The following ITGAE variants were observed in gnomAD, a reference collection of about 807,000 sequenced individuals.
ITGAE encodes integrin alpha-E.
In ITGAE, 99 loss-of-function variants were observed where a neutral mutation model predicts 136.5. That is an observed-to-expected ratio of 0.73 (90% CI 0.62 to 0.86). ITGAE has a LOEUF of 0.86. ITGAE is among the 40% of genes least tolerant of loss of function. ITGAE has a pLI of 0.00. For synonymous variants in ITGAE, 613 were observed against 591.8 expected, an observed-to-expected ratio of 1.04 and a Z score of -0.52; for missense variants, 1,447 against 1,515.3, an observed-to-expected ratio of 0.95 and a Z score of 0.75.
Position 3,739,886 on chromosome 17 carries a change from C to T in ITGAE, c.2449-8G>A. 3 of 1,612,814 alleles carry T rather than the reference C, an allele frequency of 1.9e-6. No individual in the cohort carries two copies. The highest frequency in any genetic ancestry group is 2.5e-6 in the Non-Finnish European group (3 of 1,178,760). ...GGCCTTCTCATAGGGCAGCTGTAAC[C>T]AGACAGAGAGTCCCGATCAGCCCAG... On this transcript the variant is annotated splice_polypyrimidine_tract_variant and splice_region_variant and intron_variant, in intron 19 of 30. Coordinates refer to ENST00000263087, the MANE Select transcript of ITGAE (RefSeq NM_002208.5).
intron 2 of ITGAE, among the ~76,000 whole-genome samples, chr17:3,767,246 G>A (rs1016706853): frequency 3.3e-5 from 5 of 152,126 alleles, no homozygotes; most frequent in Admixed American, 1.3e-4. Context: ...ACAGGCGCCC[G>A]CCACCATGAC....
chr17:3,764,803 C>A (rs1330238640), intron 2 of ITGAE, among the ~76,000 whole-genome samples: 3 of 152,206 alleles, frequency 2.0e-5, no homozygotes, highest in East Asian at 3.9e-4. Context: ...TTCTTGCCCC[C>A]ACCCAGGCCC....
intron 2 of ITGAE, among the ~76,000 whole-genome samples, chr17:3,769,327 T>C (rs2052366542): frequency 6.6e-6 from 1 of 152,042 alleles, no homozygotes; most frequent in Non-Finnish European, 1.5e-5. Flanking sequence ...GCCCTGACTA[T>C]AGCACCCCAC....
intron 1 of ITGAE, among the ~76,000 whole-genome samples, chr17:3,789,773 T>C (rs2052895053): frequency 6.6e-6 from 1 of 152,168 alleles, no homozygotes; most frequent in Non-Finnish European, 1.5e-5. Context: ...AATGCTGGGA[T>C]TTCAGGCGTG....
chr17:3,755,348 T>A, intron 11 of ITGAE, 87 bp from the exon 12 acceptor site: 2 of 1,414,868 alleles, frequency 1.4e-6, no homozygotes, highest in Non-Finnish European at 9.3e-7. Flanking sequence ...CCAGCGCGGC[T>A]AACCTGGCTG....
At chr17:3,739,243 C>T (rs1334117619) in intron 20 of ITGAE, among the ~76,000 whole-genome samples, 1 of 152,202 alleles carries the variant, frequency 6.6e-6, no homozygotes, top group Non-Finnish European at 1.5e-5. Context: ...ACCCAACACT[C>T]CTTCCCACCT....
At chr17:3,734,094 A>G (rs1432520548) in intron 21 of ITGAE, among the ~76,000 whole-genome samples, 2 of 152,192 alleles carry the variant, frequency 1.3e-5, no homozygotes, top group Non-Finnish European at 2.9e-5. Flanking sequence ...CTTTTGAGAC[A>G]GACTCTTGCT....
chr17:3,749,265 T>C (rs1053099941), intron 16 of ITGAE, among the ~76,000 whole-genome samples: 2 of 151,978 alleles, frequency 1.3e-5, no homozygotes, highest in African/African-American at 2.4e-5. Flanking sequence ...TTTCTTTTTT[T>C]TTTTTTGGAG....
intron 26 of ITGAE, chr17:3,724,314 A>T: frequency 6.3e-7 from 1 of 1,588,118 alleles, no homozygotes. Context: ...GCAGAAGTGC[A>T]GCACACCCTG....
chr17:3,758,508 A>AT (rs1433568873), intron 8 of ITGAE, among the ~76,000 whole-genome samples: 2 of 152,018 alleles, frequency 1.3e-5, no homozygotes, highest in African/African-American at 4.8e-5. Flanking sequence ...CTGGAGTGCA[A>AT]TAGCACGATC....
chr17:3,754,053 CTT>C, intron 12 of ITGAE, 128 bp from the exon 13 acceptor site: 1 of 1,028,212 alleles, frequency 9.7e-7, no homozygotes, highest in African/African-American at 1.6e-5. Context: ...GAGAGACTGT[CTT>C]TCTCACTATG....
intron 26 of ITGAE, chr17:3,724,954 G>T: frequency 6.2e-7 from 1 of 1,613,844 alleles, no homozygotes; most frequent in Non-Finnish European, 8.5e-7. Context: ...AGCCGGAAGA[G>T]CAAACATCAG....
chr17:3,748,064 AG>A lies in ITGAE; in HGVS notation c.2025-13del. 6.2e-7 allele frequency: 1 copy of A among 1,605,138 alleles called. No homozygotes were observed. Among genetic ancestry groups the A allele is most frequent in the Non-Finnish European group, 8.5e-7 (1 of 1,174,682 alleles). On this transcript the variant is annotated splice_polypyrimidine_tract_variant and intron_variant, in intron 16 of 30. Transcript: ENST00000263087. ...CCACAGGCCGGGAGCTAAACAAGAC[AG>A]CAAAGAGGATGGGAGAAGTGACTGC...
intron 12 of ITGAE, 71 bp downstream of exon 12, chr17:3,755,046 C>T (rs1017219934): frequency 3.1e-4 from 329 of 1,073,532 alleles, no homozygotes; most frequent in Middle Eastern, 3.5e-4. Flanking sequence ...AGGCCCCACC[C>T]TCGCCCAGGG....
intron 2 of ITGAE, among the ~76,000 whole-genome samples, chr17:3,770,159 G>A (rs1456817591): frequency 6.6e-5 from 9 of 135,632 alleles, no homozygotes; most frequent in East Asian, 4.4e-4. Flanking sequence ...TCACTCTGTC[G>A]CCCAGGCTGG....
chr17:3,723,521 C>T, intron 27 of ITGAE, 138 bp from the exon 28 acceptor site: 1 of 1,003,242 alleles, frequency 1.0e-6, no homozygotes, highest in Non-Finnish European at 1.5e-6. Flanking sequence ...TCGGCCCAAG[C>T]GAAGCTCCAG....
In ITGAE at chr17:3,753,290, C is replaced by T; in HGVS notation, c.1668G>A (p.Gln556=). 6.2e-7 allele frequency: 1 copy of T among 1,613,582 alleles called. No homozygotes were observed. Among genetic ancestry groups the T allele is most frequent in the Non-Finnish European group, 8.5e-7 (1 of 1,179,632 alleles). The change falls in exon 14 of 31, where the codon CAG becomes CAA. Residue 556 remains glutamine, a splice_region_variant and synonymous_variant. Transcript: ENST00000263087. Reference sequence around the variant, plus strand: ...CTCATGAAGATGGAGACTCTCCCACCTGCTCGCTGAGACGGTACACGTAGA... The same window carrying T: ...CTCATGAAGATGGAGACTCTCCCACTTGCTCGCTGAGACGGTACACGTAGA... ...GRVYVYRLSE[Q]DGSFSLARIL...
At chr17:3,725,455 C>T (rs570363584) in intron 26 of ITGAE, 4 of 1,614,044 alleles carry the variant, frequency 2.5e-6, no homozygotes, top group Non-Finnish European at 3.4e-6. Flanking sequence ...GATCACACAC[C>T]CGTAGCCATA....
At chr17:3,770,889 G>A (rs2052404969) in intron 2 of ITGAE, among the ~76,000 whole-genome samples, 1 of 152,152 alleles carries the variant, frequency 6.6e-6, no homozygotes, top group South Asian at 2.1e-4. Context: ...CTGGAGCTGA[G>A]GCGTGGGGTC....
Sources: allele counts gnomAD v4.1 joint callset (sites outside exome capture counted in the v4.1 genomes callset), GRCh38; gene constraint gnomAD v4.1.1; transcripts MANE v1.5; gene names NCBI Gene and HGNC (gene_info 2026-07-23, HGNC 2026-07-21).